The following CEMIP variants were observed in gnomAD, a reference collection of about 807,000 sequenced individuals.
CEMIP encodes cell migration-inducing and hyaluronan-binding protein.
CEMIP carries 105 observed loss-of-function variants against 156.9 expected under a neutral mutation model. That is an observed-to-expected ratio of 0.67 (90% CI 0.57 to 0.79). The LOEUF is 0.79. Among genes scored for constraint, CEMIP ranks in the 30% least tolerant of loss-of-function variants. The probability of loss-of-function intolerance (pLI) is 0.00; values close to 1 mark genes in which losing one functional copy is unlikely to be tolerated. For synonymous variants in CEMIP, 676 were observed against 668.4 expected (o/e 1.01, Z -0.17); for missense variants, 1,457 against 1,769.4 (o/e 0.82, Z 3.17).
chr15:80,912,933 T>G (rs898471644), intron 14 of CEMIP, among the ~76,000 whole-genome samples: 1 of 152,156 alleles, frequency 6.6e-6, no homozygotes, highest in South Asian at 2.1e-4. Flanking sequence ...CAGAGGCCAC[T>G]CAGTAGCATC....
chr15:80,838,879 C>A (rs891312347), intron 1 of CEMIP, among the ~76,000 whole-genome samples: 1 of 152,214 alleles, frequency 6.6e-6, no homozygotes, highest in African/African-American at 2.4e-5. Flanking sequence ...GTATTTGACC[C>A]TGTGTGGCTC....
intron 1 of CEMIP, among the ~76,000 whole-genome samples, chr15:80,834,165 A>G (rs1001309497): frequency 6.6e-6 from 1 of 151,790 alleles, no homozygotes; most frequent in Non-Finnish European, 1.5e-5. Flanking sequence ...GGGTAAAATC[A>G]CCCCCAGTTG....
chr15:80,909,168 T>C lies in CEMIP; in HGVS notation c.1659T>C (p.Gly553=). The C allele has an allele frequency of 1.2e-6, 2 of 1,614,074 alleles. No homozygotes were observed. The highest frequency in any genetic ancestry group is 8.5e-7 in the Non-Finnish European group (1 of 1,180,004). The change falls in exon 14 of 30, where the codon GGT becomes GGC. Residue 553 remains glycine (G), a synonymous_variant. Transcript: ENST00000394685. ...AGCATATGGGACAGCAGCTGGTGGG[T>C]CAGTACCCGATTCACTTCCACCTGG... The part of the protein sequence containing the change: ...ELKHMGQQLV[G]QYPIHFHLAG...
intron 19 of CEMIP, among the ~76,000 whole-genome samples, chr15:80,927,604 G>A (rs1900745339): frequency 1.3e-5 from 2 of 152,334 alleles, no homozygotes; most frequent in East Asian, 3.9e-4. Flanking sequence ...GCCAAAGTGT[G>A]TGTGTCTTTT....
rs200683598 is a variant in CEMIP, at chr15:80,788,896, C to CAA, written c.-176+9292_-176+9293dup. Among the ~76,000 whole-genome samples, 16 of 143,844 alleles carry CAA rather than the reference C, an allele frequency of 1.1e-4. No homozygotes were observed. In the East Asian group the frequency reaches 1.4e-3, roughly 13 times the overall value. 94.4% of individuals were successfully genotyped at this position (143,844 alleles called of 152,430 possible). On this transcript the variant is annotated intron_variant, in intron 1 of 29. Transcript: ENST00000394685. ...CACAAGGAAACATAAGCACTAGAGG[C>CAA]AAAAAAAAAAATCAATAATATTGAC...
At chr15:80,894,849 T>C (rs1217459722) in intron 10 of CEMIP, 141 bp from the exon 11 acceptor site, 12 of 1,009,168 alleles carry the variant, frequency 1.2e-5, no homozygotes, top group Admixed American at 1.1e-4. Flanking sequence ...ATCATTGGGA[T>C]AATCATCTCG....
Position 80,903,899 on chromosome 15 carries a change from T to A in CEMIP, c.1412-2764T>A, listed in dbSNP as rs1199094515. The stretch of plus-strand genomic sequence containing the variant: ...ACGGATGGAAGGAAAGGTTTTTCTG[T>A]GGGTGGCCGGAAGGAGCCCTGCTTC... On this transcript the variant is annotated intron_variant, in intron 12 of 29. Coordinates refer to ENST00000394685, the MANE Select transcript of CEMIP (RefSeq NM_001293298.2). Among the ~76,000 whole-genome samples the A allele has an allele frequency of 2.6e-5, 4 of 152,172 alleles. No individual in the cohort carries two copies. The East Asian group carries it at 7.7e-4, about 29-fold the overall frequency.
At chr15:80,784,840 G>A (rs73486538) in intron 1 of CEMIP, among the ~76,000 whole-genome samples, 4 of 152,138 alleles carry the variant, frequency 2.6e-5, no homozygotes, top group African/African-American at 7.2e-5. Context: ...CCTTCAAGTC[G>A]TGGGGGCCTA....
chr15:80,920,680 A>G (rs1900439830), intron 15 of CEMIP, among the ~76,000 whole-genome samples: 1 of 152,068 alleles, frequency 6.6e-6, no homozygotes, highest in Non-Finnish European at 1.5e-5. Context: ...ACGGGGTGAG[A>G]GCTCTCTGTG....
chr15:80,826,162 C>T (rs1195116231), intron 1 of CEMIP, among the ~76,000 whole-genome samples: 1 of 152,204 alleles, frequency 6.6e-6, no homozygotes, highest in African/African-American at 2.4e-5. Context: ...TGATCCTACT[C>T]TCAAAGATCT....
intron 23 of CEMIP, 87 bp from the exon 24 acceptor site, chr15:80,936,587 C>A (rs539409906): frequency 6.8e-6 from 8 of 1,173,980 alleles, no homozygotes; most frequent in Non-Finnish European, 8.9e-6. Context: ...TTTGAAAGTG[C>A]GGTCTATAGT....
At chr15:80,908,462 C>G (rs143719587) in intron 13 of CEMIP, among the ~76,000 whole-genome samples, 8 of 152,256 alleles carry the variant, frequency 5.3e-5, no homozygotes, top group Non-Finnish European at 1.0e-4. Context: ...ACTGTGTTTT[C>G]ATGGTAGGCA....
chr15:80,922,375 C>G (rs1338461655), intron 17 of CEMIP, among the ~76,000 whole-genome samples: 2 of 152,200 alleles, frequency 1.3e-5, no homozygotes, highest in African/African-American at 4.8e-5. Context: ...TGGCCAGAGC[C>G]AAAAGGAGCA....
intron 1 of CEMIP, among the ~76,000 whole-genome samples, chr15:80,805,470 C>T (rs1350592551): frequency 1.3e-5 from 2 of 152,182 alleles, no homozygotes; most frequent in Non-Finnish European, 2.9e-5. Context: ...ACGCATTTGC[C>T]AGCCAGCTGC....
intron 28 of CEMIP, among the ~76,000 whole-genome samples, chr15:80,943,307 T>A (rs770774444): frequency 6.6e-6 from 1 of 152,222 alleles, no homozygotes; most frequent in Non-Finnish European, 1.5e-5. Flanking sequence ...GCTGTGAATG[T>A]AGGTCAGGCG....
intron 1 of CEMIP, among the ~76,000 whole-genome samples, chr15:80,839,354 G>A (rs1229618268): frequency 7.8e-5 from 11 of 140,874 alleles, no homozygotes; most frequent in Non-Finnish European, 1.5e-4. Context: ...TTCAACAGAG[G>A]CCAGACTTAA....
chr15:80,870,570 G>C (rs1168957330), intron 1 of CEMIP, among the ~76,000 whole-genome samples: 2 of 152,078 alleles, frequency 1.3e-5, no homozygotes, highest in Non-Finnish European at 2.9e-5. Context: ...GCTGGGCCTG[G>C]GGCTACCTGA....
At chr15:80,938,113 C>T (rs1901202817) in intron 25 of CEMIP, 134 bp downstream of exon 25, 1 of 731,702 alleles carries the variant, frequency 1.4e-6, no homozygotes, top group African/African-American at 1.7e-5. Context: ...CATTTTGACT[C>T]TAAGGCTGAC....
At chr15:80,918,658 C>T (rs757221289) in intron 14 of CEMIP, among the ~76,000 whole-genome samples, 1 of 152,112 alleles carries the variant, frequency 6.6e-6, no homozygotes, top group African/African-American at 2.4e-5. Flanking sequence ...ATGACATCAT[C>T]GGGCAGTCTG....
Sources: allele counts gnomAD v4.1 joint callset (sites outside exome capture counted in the v4.1 genomes callset), GRCh38; gene constraint gnomAD v4.1.1; transcripts MANE v1.5; gene names NCBI Gene and HGNC (gene_info 2026-07-23, HGNC 2026-07-21).